ITGA2B: variants seen among roughly 807,000 people sequenced by gnomAD.
ITGA2B encodes the protein integrin subunit alpha 2b.
ITGA2B carries 91 observed loss-of-function variants against 142.0 expected under a neutral mutation model. The ratio of observed to expected loss-of-function variants is 0.64; its 90% CI spans 0.54 to 0.76. The LOEUF is 0.76. Among genes scored for constraint, ITGA2B ranks in the 30% least tolerant of loss-of-function variants. The pLI is 0.00. For missense variants in ITGA2B, 1,231 were observed against 1,350.8 expected (o/e 0.91, Z 1.39); for synonymous variants, 536 against 567.2 (o/e 0.94, Z 0.78).
chr17:44,377,577 C>A, intron 21 of ITGA2B, 121 bp downstream of exon 21: 1 of 741,418 alleles, frequency 1.3e-6, no homozygotes, highest in Admixed American at 2.0e-5. Context: ...GGACATGTGG[C>A]AAGGGAGTGT....
Position 44,389,398 on chromosome 17 carries a change from C to A in ITGA2B, c.76G>T (p.Ala26Ser). Residue 26 changes from alanine to serine, a missense_variant, in exon 1 of 30, where the codon GCC (alanine) becomes TCC (serine). Physicochemically the swap from Ala to Ser is moderately conservative, Grantham distance 99 (BLOSUM62 1). Around this residue, in one of 3 missense-constraint regions of ITGA2B, gnomAD observed 318 missense variants for 312.2 expected, o/e 1.02. Transcript: ENST00000262407. ...AGGTTCAAGGCCCAGGCTGGAGGGG[C>A]AGCACAAGGTCCCAAGAGCAGCAGC... is the stretch of plus-strand genomic sequence containing the variant. The part of the protein sequence containing the change: ...WVLLLLGPCA[A>S]PPAWALNLDP... 6.2e-7 allele frequency: 1 copy of A among 1,614,172 alleles called. No individual in the cohort carries two copies. Among genetic ancestry groups the A allele is most frequent in the Non-Finnish European group, 8.5e-7 (1 of 1,180,018 alleles).
rs754744441 is a variant in ITGA2B, at chr17:44,389,403, C to T, written c.71G>A (p.Cys24Tyr). The T allele has an allele frequency of 1.2e-6, 2 of 1,614,100 alleles. No homozygotes were observed. The highest frequency in any genetic ancestry group is 1.7e-5 in the Admixed American group (1 of 60,000). Residue 24 changes from cysteine (C) to tyrosine (Y), a missense_variant, in exon 1 of 30, where the codon TGT becomes TAT. Cys to Tyr is a radical substitution (Grantham distance 194). This residue lies in a region of ITGA2B where 318 missense variants were observed against 312.2 expected (regional missense o/e 1.02). Coordinates refer to ENST00000262407, the MANE Select transcript of ITGA2B (RefSeq NM_000419.5). The stretch of plus-strand genomic sequence containing the variant: ...CAAGGCCCAGGCTGGAGGGGCAGCA[C>T]AAGGTCCCAAGAGCAGCAGCACCCA... ...LEWVLLLLGPCAAPPAWALNL... is the reference protein window; with the variant it reads ...LEWVLLLLGPYAAPPAWALNL...
chr17:44,378,674 A>G lies in ITGA2B; in HGVS notation c.1915T>C (p.Cys639Arg). Reference sequence around the variant, plus strand: ...GCAGTGAGCTGAAGCTGGGGCACACATACGTCATCTTCCCCACAGTCCAGG... The same window carrying G: ...GCAGTGAGCTGAAGCTGGGGCACACGTACGTCATCTTCCCCACAGTCCAGG... ...IVLDCGEDDV[C>R]VPQLQLTASV... is the part of the protein sequence containing the mutation. Residue 639 changes from cysteine (C) to arginine (R), a missense_variant, in exon 19 of 30, where the codon TGT becomes CGT. Coordinates refer to ENST00000262407, the MANE Select transcript of ITGA2B (RefSeq NM_000419.5). The G allele has an allele frequency of 6.4e-7, 1 of 1,561,272 alleles. No homozygotes were observed. Among genetic ancestry groups the G allele is most frequent in the South Asian group, 1.2e-5 (1 of 84,682 alleles).
chr17:44,380,359 T>A (rs2048584314), intron 15 of ITGA2B, 27 bp downstream of exon 15: 10 of 1,614,134 alleles, frequency 6.2e-6, no homozygotes, highest in Non-Finnish European at 8.5e-6. Context: ...CCAGATCCTT[T>A]AAGGCCCATG....
Position 44,377,095 on chromosome 17 carries a change from G to A in ITGA2B, c.2188-7C>T. 1.3e-6 allele frequency: 2 copies of A among 1,563,254 alleles called. No homozygotes were observed. The highest frequency in any genetic ancestry group is 1.7e-6 in the Non-Finnish European group (2 of 1,153,454). On this transcript the variant is annotated splice_region_variant and splice_polypyrimidine_tract_variant and intron_variant, in intron 21 of 29. Transcript: ENST00000262407. ...CCAACATCGCGATTCCTATCTGGGAGATGAGGAGGGCCAAGGTCACTGCCC... is the reference window on the plus strand; with the variant it reads ...CCAACATCGCGATTCCTATCTGGGAAATGAGGAGGGCCAAGGTCACTGCCC...
intron 12 of ITGA2B, among the ~76,000 whole-genome samples, chr17:44,383,060 C>G (rs150686098): frequency 6.6e-6 from 1 of 152,238 alleles, no homozygotes; most frequent in East Asian, 1.9e-4. Context: ...CACCCAAGCC[C>G]TTCAAGCTCA....
At chr17:44,373,972 C>A in intron 29 of ITGA2B, 1 of 233,232 alleles carries the variant, frequency 4.3e-6, no homozygotes. Flanking sequence ...GTGGTGTGAT[C>A]TCGGCTCACT....
chr17:44,385,063 C>A lies in ITGA2B; in HGVS notation c.684G>T (p.Gln228His). Residue 228 changes from glutamine (Q) to histidine (H), a missense_variant, in exon 7 of 30, where the codon CAG (glutamine) becomes CAT (histidine). Gln to His is a conservative substitution (Grantham distance 24, BLOSUM62 0). This residue lies in a region of ITGA2B where 318 missense variants were observed against 312.2 expected (regional missense o/e 1.02). Coordinates refer to ENST00000262407, the MANE Select transcript of ITGA2B (RefSeq NM_000419.5). ...TCGAGAAAATATCCGCAACTGGAGC[C>A]TGGGCCAGGAGACCTAGGGCGGGAG... ...GGYYFLGLLA[Q>H]APVADIFSSY... 6.2e-7 allele frequency: 1 copy of A among 1,614,090 alleles called. No individual in the cohort carries two copies. Among genetic ancestry groups the A allele is most frequent in the South Asian group, 1.1e-5 (1 of 91,078 alleles).
chr17:44,386,821 C>T (rs530745893), intron 1 of ITGA2B, among the ~76,000 whole-genome samples: 1 of 152,322 alleles, frequency 6.6e-6, no homozygotes, highest in Admixed American at 6.5e-5. Context: ...GAGACAGGGT[C>T]TCATTCTGTT....
rs368709001 is a variant in ITGA2B at position 44,376,069 on chromosome 17, C to A, written c.2448+16G>T. 1.2e-6 allele frequency: 2 copies of A among 1,613,994 alleles called. No individual in the cohort carries two copies. Among genetic ancestry groups the A allele is most frequent in the Admixed American group, 1.7e-5 (1 of 59,996 alleles). Reference sequence around the variant, plus strand: ...GACCCGCTCACCCCAGCCAGGGACGCGAGGCTCCCCAATACCTCATAGGTG... The same window carrying A: ...GACCCGCTCACCCCAGCCAGGGACGAGAGGCTCCCCAATACCTCATAGGTG... On this transcript the variant is annotated intron_variant, in intron 24 of 29. Coordinates refer to ENST00000262407, the MANE Select transcript of ITGA2B (RefSeq NM_000419.5).
rs1271903948 is a variant in ITGA2B at position 44,374,334 on chromosome 17, C to T, written c.3060+20G>A. 1.1e-5 allele frequency: 18 copies of T among 1,607,482 alleles called. No individual in the cohort carries two copies. The highest frequency in any genetic ancestry group is 1.5e-5 in the Non-Finnish European group (18 of 1,174,226). ...CAAGCCTGTGCCCCGCTGGGGACTC[C>T]ACCGTCCTTCACACCTCACCTTCCA... On this transcript the variant is annotated intron_variant, in intron 29 of 29. Coordinates refer to ENST00000262407, the MANE Select transcript of ITGA2B (RefSeq NM_000419.5).
chr17:44,383,886 C>A lies in ITGA2B; in HGVS notation c.998+8G>T, dbSNP rs760607825. On this transcript the variant is annotated splice_region_variant and intron_variant, in intron 11 of 29. Coordinates refer to ENST00000262407, the MANE Select transcript of ITGA2B (RefSeq NM_000419.5). ...AACTGGGTAGGGGTGGGGCATGTCCCTCCTCACCCATCCCCGTTGACGTCA... is the reference window on the plus strand; with the variant it reads ...AACTGGGTAGGGGTGGGGCATGTCCATCCTCACCCATCCCCGTTGACGTCA... The A allele has an allele frequency of 4.3e-6, 7 of 1,613,268 alleles. No homozygotes were observed. The highest frequency in any genetic ancestry group is 5.9e-6 in the Non-Finnish European group (7 of 1,179,930).
intron 1 of ITGA2B, among the ~76,000 whole-genome samples, chr17:44,387,480 C>G (rs1360120652): frequency 6.7e-6 from 1 of 150,326 alleles, no homozygotes; most frequent in Non-Finnish European, 1.5e-5. Flanking sequence ...CCGAGATCAC[C>G]CCATTGCACT....
In ITGA2B at chr17:44,374,418, C is replaced by T. The variant is rs1339860050; in HGVS notation, c.2996G>A (p.Trp999Ter). 2 of 1,614,170 alleles carry T rather than the reference C, an allele frequency of 1.2e-6. No individual in the cohort carries two copies. Among genetic ancestry groups the T allele is most frequent in the Non-Finnish European group, 1.7e-6 (2 of 1,180,034 alleles). The part of the protein sequence containing the change: ...ALEERAIPIW[W>*]VLVGVLGGLL... ...GCCACCCAGCACACCCACCAGCACC[C>T]ACCAGATTGGAATGGCCCTCTCCTC... The change falls in exon 29 of 30, where the codon TGG becomes TAG. Residue 999 changes from tryptophan (W) to a stop codon, truncating the protein, a stop_gained. Coordinates refer to ENST00000262407, the MANE Select transcript of ITGA2B (RefSeq NM_000419.5). LOFTEE classifies it high-confidence loss of function.
At chr17:44,388,856 G>A (rs1368314744) in intron 1 of ITGA2B, among the ~76,000 whole-genome samples, 5 of 145,670 alleles carry the variant, frequency 3.4e-5, no homozygotes, top group East Asian at 2.0e-4. Flanking sequence ...GTAGAGACGG[G>A]GTTTCTCCAT....
chr17:44,388,351 CTTTTTTT>C (rs35720866), intron 1 of ITGA2B, among the ~76,000 whole-genome samples: 1 of 97,362 alleles, frequency 1.0e-5, no homozygotes, highest in Non-Finnish European at 1.9e-5. Flanking sequence ...CATTTCCTTT[CTTTTTTT>C]TTTTTTTTTT....
rs1271894177 is a variant in ITGA2B at position 44,383,651 on chromosome 17, C to A, written c.1052G>T (p.Arg351Leu). ...CACACGCCCCACTTCGGCCAGTTTT[C>A]GGTCTGCCCGGCTCTCCATATACAG... ...APLYMESRAD[R>L]KLAEVGRVYL... The change falls in exon 12 of 30, where the codon CGA becomes CTA. Residue 351 changes from arginine to leucine, a missense_variant. Around this residue, in one of 3 missense-constraint regions of ITGA2B, gnomAD observed 908 missense variants for 1,021.1 expected, o/e 0.89. Coordinates refer to ENST00000262407, the MANE Select transcript of ITGA2B (RefSeq NM_000419.5). 6.3e-7 allele frequency: 1 copy of A among 1,596,948 alleles called. No homozygotes were observed.
At chr17:44,384,806 C>T in intron 7 of ITGA2B, 142 bp downstream of exon 7, 1 of 1,424,152 alleles carries the variant, frequency 7.0e-7, no homozygotes, top group South Asian at 1.2e-5. Flanking sequence ...GCGGGGAAGC[C>T]GCAGGAGCGG....
intron 18 of ITGA2B, 94 bp downstream of exon 18, chr17:44,379,594 GT>G (rs1319569835): frequency 8.8e-6 from 14 of 1,587,318 alleles, no homozygotes; most frequent in Non-Finnish European, 2.6e-6. Context: ...TGACATCAAG[GT>G]TTTGGGGTTC....
Sources: allele counts gnomAD v4.1 joint callset (sites outside exome capture counted in the v4.1 genomes callset), GRCh38; gene constraint gnomAD v4.1.1; regional missense constraint gnomAD v4.1.1; transcripts MANE v1.5; gene names NCBI Gene and HGNC (gene_info 2026-07-23, HGNC 2026-07-21).